Variants in DNAJC6 observed in about 807,000 individuals in gnomAD.
The protein encoded by DNAJC6 is auxilin.
A neutral mutation model predicts 110.0 loss-of-function variants in DNAJC6; 34 were observed. That is an observed-to-expected ratio of 0.31 (90% confidence interval 0.24 to 0.41). The LOEUF (loss-of-function observed/expected upper bound fraction) is 0.41, where lower values mean the gene tolerates loss of function less well. Among genes scored for constraint, DNAJC6 ranks in the 10% least tolerant of loss-of-function variants. DNAJC6 has a pLI of 1.00. For missense variants in DNAJC6, 1,031 were observed against 1,207.8 expected (o/e 0.85, Z 2.17); for synonymous variants, 406 against 437.2 (o/e 0.93, Z 0.89).
intron 2 of DNAJC6, 112 bp downstream of exon 2, chr1:65,364,897 A>T: frequency 7.3e-7 from 1 of 1,360,826 alleles, no homozygotes; most frequent in Non-Finnish European, 1.0e-6. Context: ...ATATAATTTT[A>T]TGGGATCTGA....
chr1:65,302,768 C>T (rs1210323743), intron 1 of DNAJC6, among the ~76,000 whole-genome samples: 7 of 151,692 alleles, frequency 4.6e-5, no homozygotes, highest in South Asian at 2.1e-4. Context: ...ATCTCCTGAC[C>T]TCATGATCCA....
intron 13 of DNAJC6, 145 bp from the exon 14 acceptor site, chr1:65,398,668 A>G (rs1029996305): frequency 1.4e-6 from 1 of 726,330 alleles, no homozygotes; most frequent in Non-Finnish European, 2.3e-6. Flanking sequence ...GAGTGTGGCA[A>G]GAACTCAGAA....
chr1:65,350,330 G>A (rs993186549), intron 1 of DNAJC6, among the ~76,000 whole-genome samples: 4 of 152,186 alleles, frequency 2.6e-5, no homozygotes, highest in African/African-American at 9.6e-5. Context: ...TTTTAATTCT[G>A]CTATTTTCTT....
chr1:65,367,268 C>T (rs1473708914), intron 4 of DNAJC6, among the ~76,000 whole-genome samples: 2 of 152,128 alleles, frequency 1.3e-5, no homozygotes, highest in South Asian at 2.1e-4. Flanking sequence ...GGGGGCTGCT[C>T]CTGATGTTGC....
chr1:65,362,206 G>C (rs1454112592), intron 1 of DNAJC6, among the ~76,000 whole-genome samples: 2 of 61,464 alleles, frequency 3.3e-5, no homozygotes, highest in African/African-American at 2.0e-4. Flanking sequence ...CTTAACGTCT[G>C]TGCCTCAGTT....
chr1:65,340,323 C>A (rs1233208277), intron 1 of DNAJC6, among the ~76,000 whole-genome samples: 1 of 152,190 alleles, frequency 6.6e-6, no homozygotes, highest in African/African-American at 2.4e-5. Context: ...CTTATCAGAA[C>A]AGCAATGGTA....
chr1:65,316,085 T>C (rs1359532), intron 1 of DNAJC6, among the ~76,000 whole-genome samples: 111,727 of 152,122 alleles, frequency 0.73, 41,055 homozygotes, highest in East Asian at 0.83. Flanking sequence ...AAGCATTATA[T>C]ATTTTTGGAA....
chr1:65,361,852 C>T (rs1354341314), intron 1 of DNAJC6, among the ~76,000 whole-genome samples: 1 of 152,062 alleles, frequency 6.6e-6, no homozygotes, highest in Non-Finnish European at 1.5e-5. Context: ...CACTGTGTTG[C>T]TTATTATAAC....
intron 1 of DNAJC6, among the ~76,000 whole-genome samples, chr1:65,272,990 TG>T (rs1195760424): frequency 1.3e-5 from 2 of 152,228 alleles, no homozygotes; most frequent in Non-Finnish European, 2.9e-5. Context: ...TGTTTTTAGG[TG>T]GTGTGGTCCT....
chr1:65,411,238 T>C lies in DNAJC6; in HGVS notation c.2635-12T>C. ...AAGCATTTGAATTTCTTAATCCCCT[T>C]TGTGTTTACAGATTCTGGAATGGAT... On this transcript the variant is annotated splice_polypyrimidine_tract_variant and intron_variant, in intron 17 of 18. Coordinates refer to ENST00000371069, the MANE Select transcript of DNAJC6 (RefSeq NM_001256864.2). 3.1e-6 allele frequency: 5 copies of C among 1,609,320 alleles called. No homozygotes were observed. Among genetic ancestry groups the C allele is most frequent in the Non-Finnish European group, 4.2e-6 (5 of 1,176,506 alleles).
chr1:65,349,378 A>G (rs1177864280), intron 1 of DNAJC6, among the ~76,000 whole-genome samples: 1 of 151,922 alleles, frequency 6.6e-6, no homozygotes, highest in Non-Finnish European at 1.5e-5. Flanking sequence ...AGAAAACCAT[A>G]ATCTTTTATA....
chr1:65,311,288 G>A (rs1240989400), intron 1 of DNAJC6, among the ~76,000 whole-genome samples: 1 of 137,544 alleles, frequency 7.3e-6, no homozygotes, highest in Non-Finnish European at 1.5e-5. Flanking sequence ...GCAGGGATGC[G>A]AACTCGGCGG....
chr1:65,303,142 C>G (rs1645005185), intron 1 of DNAJC6, among the ~76,000 whole-genome samples: 1 of 152,154 alleles, frequency 6.6e-6, no homozygotes, highest in African/African-American at 2.4e-5. Flanking sequence ...GCGATTTTTT[C>G]TGTAAACTAA....
chr1:65,310,051 C>G, intron 1 of DNAJC6, 113 bp downstream of exon 1: 1 of 1,270,446 alleles, frequency 7.9e-7, no homozygotes, highest in African/African-American at 1.6e-5. Flanking sequence ...GCGAGAGAGC[C>G]GGGCTGGAGG....
At chr1:65,355,861 C>T (rs1265270366) in intron 1 of DNAJC6, among the ~76,000 whole-genome samples, 1 of 150,654 alleles carries the variant, frequency 6.6e-6, no homozygotes, top group African/African-American at 2.4e-5. Flanking sequence ...GCTTTGTTAA[C>T]CCTGAAATGG....
At chr1:65,266,878 A>C (rs1486063639) in intron 1 of DNAJC6, among the ~76,000 whole-genome samples, 1 of 151,792 alleles carries the variant, frequency 6.6e-6, no homozygotes, top group Non-Finnish European at 1.5e-5. Context: ...CCTTTTTCTA[A>C]GGAGAGTTGG....
intron 12 of DNAJC6, among the ~76,000 whole-genome samples, chr1:65,393,254 C>T (rs1570366978): frequency 6.6e-6 from 1 of 152,224 alleles, no homozygotes; most frequent in East Asian, 1.9e-4. Context: ...TTATTTAATT[C>T]TTACAGAAAC....
chr1:65,388,508 C>A, intron 9 of DNAJC6, 93 bp downstream of exon 9: 1 of 1,177,328 alleles, frequency 8.5e-7, no homozygotes, highest in Non-Finnish European at 1.3e-6. Context: ...ACCCTGGAAT[C>A]CTGTGCTGCT....
intron 14 of DNAJC6, 81 bp from the exon 15 acceptor site, chr1:65,401,680 A>G: frequency 6.4e-7 from 1 of 1,551,696 alleles, no homozygotes; most frequent in African/African-American, 1.4e-5. Context: ...GAGACAAATA[A>G]ACAGTAACTC....
Sources: gnomAD v4.1 joint callset for allele counts (sites outside exome capture counted in the v4.1 genomes callset) on GRCh38, gnomAD v4.1.1 for gene constraint, MANE v1.5 for transcripts, NCBI Gene and HGNC (gene_info 2026-07-23, HGNC 2026-07-21) for gene names.